The following CNOT4 variants were observed in gnomAD, a reference collection of about 807,000 sequenced individuals.
CNOT4 encodes CCR4-NOT transcription complex subunit 4, also known as CCR4-associated factor 4.
A neutral mutation model predicts 73.8 loss-of-function variants in CNOT4; 8 were observed. The ratio of observed to expected loss-of-function variants is 0.11; its 90% CI spans 0.06 to 0.20. The LOEUF (loss-of-function observed/expected upper bound fraction) is 0.20. CNOT4 is among the 10% of genes least tolerant of loss of function. The pLI is 1.00. For synonymous variants in CNOT4, 293 were observed against 321.1 expected (o/e 0.91, Z 0.94); for missense variants, 564 against 883.4 (o/e 0.64, Z 4.58).
At chr7:135,486,895 A>G (rs968095030) in intron 1 of CNOT4, among the ~76,000 whole-genome samples, 2 of 152,232 alleles carry the variant, frequency 1.3e-5, no homozygotes, top group African/African-American at 4.8e-5. Context: ...AACAGAAATC[A>G]GTCCTATCCT....
intron 1 of CNOT4, among the ~76,000 whole-genome samples, chr7:135,505,425 A>G (rs892633460): frequency 5.9e-5 from 9 of 152,058 alleles, no homozygotes; most frequent in Non-Finnish European, 1.3e-4. Context: ...GGTGGCGGAC[A>G]TCTGTAATCC....
Position 135,395,701 on chromosome 7 carries a change from G to A in CNOT4, c.1062C>T (p.Phe354=). 6.2e-7 allele frequency: 1 copy of A among 1,614,050 alleles called. No homozygotes were observed. The highest frequency in any genetic ancestry group is 8.5e-7 in the Non-Finnish European group (1 of 1,179,956). The change falls in exon 9 of 12, where the codon TTC becomes TTT. Residue 354 remains phenylalanine, a synonymous_variant. Coordinates refer to ENST00000541284, the MANE Select transcript of CNOT4 (RefSeq NM_001190850.2). ...PNPIPSGLPP[F]PSSPQTSSDW... ...CACTGGATGTCTGTGGGGAGCTGGG[G>A]AAAGGAGGAAGCCCACTTGGGATAG... is the stretch of plus-strand genomic sequence containing the variant.
intron 1 of CNOT4, among the ~76,000 whole-genome samples, chr7:135,485,069 TTTTG>T (rs201749885): frequency 5.9e-5 from 9 of 152,064 alleles, no homozygotes; most frequent in East Asian, 1.9e-4. Context: ...TTAGGAAGGA[TTTTG>T]TTTGTTTGTT....
intron 1 of CNOT4, among the ~76,000 whole-genome samples, chr7:135,442,290 C>T (rs1275779261): frequency 6.6e-6 from 1 of 152,164 alleles, no homozygotes; most frequent in African/African-American, 2.4e-5. Flanking sequence ...AGCCAGACAA[C>T]TAATATTAAA....
intron 9 of CNOT4, among the ~76,000 whole-genome samples, chr7:135,395,229 T>TA (rs1796611868): frequency 6.6e-6 from 1 of 151,912 alleles, no homozygotes; most frequent in South Asian, 2.1e-4. Context: ...ACAAAAAATT[T>TA]AAAAATTAAC....
At chr7:135,447,372 A>G (rs1799899136) in intron 1 of CNOT4, among the ~76,000 whole-genome samples, 1 of 152,214 alleles carries the variant, frequency 6.6e-6, no homozygotes, top group South Asian at 2.1e-4. Flanking sequence ...TTCATATACT[A>G]TAGAACTCAG....
At chr7:135,503,004 T>C (rs1179103003) in intron 1 of CNOT4, among the ~76,000 whole-genome samples, 1 of 151,176 alleles carries the variant, frequency 6.6e-6, no homozygotes, top group African/African-American at 2.4e-5. Flanking sequence ...AATATAAAAA[T>C]TAGCTGGGCA....
intron 1 of CNOT4, among the ~76,000 whole-genome samples, chr7:135,477,884 T>A (rs1802095049): frequency 1.3e-5 from 2 of 152,166 alleles, no homozygotes; most frequent in Admixed American, 1.3e-4. Context: ...ATAATCCTTA[T>A]ATTTTATGCC....
intron 2 of CNOT4, among the ~76,000 whole-genome samples, chr7:135,430,427 C>T (rs1047826854): frequency 6.6e-6 from 1 of 152,086 alleles, no homozygotes; most frequent in African/African-American, 2.4e-5. Context: ...CACCTGAGGG[C>T]AGTAGTTCAA....
At chr7:135,456,149 T>C (rs1800515544) in intron 1 of CNOT4, among the ~76,000 whole-genome samples, 1 of 152,250 alleles carries the variant, frequency 6.6e-6, no homozygotes, top group Non-Finnish European at 1.5e-5. Context: ...TCACAGGCTA[T>C]ACACAAATGA....
At chr7:135,487,828 C>T (rs976156591) in intron 1 of CNOT4, among the ~76,000 whole-genome samples, 4 of 152,082 alleles carry the variant, frequency 2.6e-5, no homozygotes, top group African/African-American at 4.8e-5. Flanking sequence ...CCAAGGCAGG[C>T]GGATCACGAG....
intron 6 of CNOT4, among the ~76,000 whole-genome samples, chr7:135,412,360 A>G (rs1345252989): frequency 6.6e-6 from 1 of 151,936 alleles, no homozygotes; most frequent in African/African-American, 2.4e-5. Context: ...ATTCTGATAG[A>G]CAGAAATTGA....
At chr7:135,499,627 T>C (rs1803830036) in intron 1 of CNOT4, among the ~76,000 whole-genome samples, 1 of 152,154 alleles carries the variant, frequency 6.6e-6, no homozygotes, top group Non-Finnish European at 1.5e-5. Flanking sequence ...ACTCATAAAG[T>C]CATCCCATAC....
intron 10 of CNOT4, among the ~76,000 whole-genome samples, chr7:135,392,792 G>A (rs371017950): frequency 1.3e-4 from 20 of 152,158 alleles, no homozygotes; most frequent in Non-Finnish European, 2.5e-4. Flanking sequence ...CTAGCTACTC[G>A]TCTAAAACAT....
intron 3 of CNOT4, among the ~76,000 whole-genome samples, chr7:135,418,359 C>T (rs371888767): frequency 1.3e-3 from 191 of 152,280 alleles, no homozygotes; most frequent in South Asian, 7.2e-3. Context: ...CTCAATATCA[C>T]GATGTCCTTC....
chr7:135,505,845 C>T (rs1480153365), intron 1 of CNOT4, among the ~76,000 whole-genome samples: 2 of 151,936 alleles, frequency 1.3e-5, no homozygotes. Flanking sequence ...GTCACAGAAC[C>T]AGTTAGATTC....
At chr7:135,453,167 A>G (rs1306382497) in intron 1 of CNOT4, among the ~76,000 whole-genome samples, 1 of 152,192 alleles carries the variant, frequency 6.6e-6, no homozygotes, top group Non-Finnish European at 1.5e-5. Context: ...GTCTTTTTAG[A>G]GATACTTCTG....
intron 1 of CNOT4, among the ~76,000 whole-genome samples, chr7:135,448,207 T>C (rs900071646): frequency 2.0e-5 from 3 of 152,148 alleles, no homozygotes; most frequent in Non-Finnish European, 4.4e-5. Context: ...TGCAATGTTA[T>C]ACAAGATGTT....
chr7:135,388,370 C>T (rs868571766), intron 10 of CNOT4: 1 of 984,324 alleles, frequency 1.0e-6, no homozygotes, highest in Non-Finnish European at 1.2e-6. Context: ...TCAAAGAATG[C>T]AATAGACATT....
Sources: allele counts gnomAD v4.1 joint callset (sites outside exome capture counted in the v4.1 genomes callset), GRCh38; gene constraint gnomAD v4.1.1; transcripts MANE v1.5; gene names NCBI Gene and HGNC (gene_info 2026-07-23, HGNC 2026-07-21).